FGF11: variants seen among roughly 807,000 people sequenced by gnomAD.
The protein encoded by FGF11 is fibroblast growth factor 11.
In FGF11, 25 loss-of-function variants were observed where a neutral mutation model predicts 25.1. The ratio of observed to expected loss-of-function variants is 1.00; its 90% CI spans 0.73 to 1.39. The LOEUF (loss-of-function observed/expected upper bound fraction) is 1.39, where lower values mean the gene tolerates loss of function less well. Ranked by LOEUF, FGF11 falls within the 40% of genes most tolerant of loss-of-function variation. The pLI, the probability that FGF11 is intolerant of heterozygous loss-of-function variation, is 0.00. For missense variants in FGF11, 320 were observed against 311.0 expected (o/e 1.03, Z -0.22); for synonymous variants, 130 against 128.9 (o/e 1.01, Z -0.06).
In FGF11 at chr17:7,442,671, C is replaced by CCGCCAG; in HGVS notation, c.489_494dup (p.Gln164_Arg165dup). The CCGCCAG allele has an allele frequency of 6.2e-7, 1 of 1,614,202 alleles. No individual in the cohort carries two copies. Among genetic ancestry groups the CCGCCAG allele is most frequent in the Non-Finnish European group, 8.5e-7 (1 of 1,180,040 alleles). On this transcript the variant is annotated inframe_insertion, in exon 4 of 5. Transcript: ENST00000293829. ...ACGTCCTGTACGCCTCTGCTCTCTA[C>CCGCCAG]CGCCAGCGTCGTTCTGGCCGGGCCT...
rs1460448217 is a variant in FGF11 at position 7,443,759 on chromosome 17, GAGGCT to G, written c.*616_*620del. The G allele has an allele frequency of 6.6e-6, 1 of 152,288 alleles. No individual in the cohort carries two copies. The highest frequency in any genetic ancestry group is 2.4e-5 in the African/African-American group (1 of 41,440). 9.4% of individuals were successfully genotyped at this position (152,288 alleles called of 1,614,324 possible). On this transcript the variant is annotated 3_prime_UTR_variant, in exon 5 of 5. Transcript: ENST00000293829. ...TGGACCCCTGGTTTCCAAGTAGAAA[GAGGCT>G]AGATTTGGGCCTTGTCTAGCTGTTG...
At chr17:7,438,683 TG>T (rs971185488), upstream of FGF11, among the ~76,000 whole-genome samples, 2 of 151,994 alleles carry the variant, frequency 1.3e-5, no homozygotes, top group Non-Finnish European at 2.9e-5. Flanking sequence ...ACTCCTCTCT[TG>T]GGGGGCTGGT....
At position 7,444,852 on chromosome 17, in the gene FGF11, A is replaced by G. The variant is rs1908515215; in HGVS notation, c.*1706A>G. On this transcript the variant is annotated 3_prime_UTR_variant, in exon 5 of 5. Transcript: ENST00000293829. ...CCCCTCACCCACACAAACCCCACTC[A>G]GTCTCCACCCAACTCCTGGCACTGC... The G allele has an allele frequency of 1.8e-6, 1 of 568,570 alleles. No homozygotes were observed. The highest frequency in any genetic ancestry group is 3.0e-5 in the East Asian group (1 of 33,852). The allele number at this position is 568,570 out of a possible 1,614,324, so 35.2% of individuals were successfully genotyped here. A position where few individuals can be genotyped will look rare whatever the true frequency, so the allele number is the denominator to read the frequency against.
upstream of FGF11, chr17:7,439,498 G>A: frequency 1.3e-6 from 1 of 761,590 alleles, no homozygotes; most frequent in Non-Finnish European, 1.9e-6. Context: ...CTCAGGTCCT[G>A]TGGGTGGGGC....
Position 7,439,783 on chromosome 17 carries a change from G to A in FGF11, c.163G>A (p.Gly55Arg). 6.8e-7 allele frequency: 1 copy of A among 1,478,190 alleles called. No individual in the cohort carries two copies. Among genetic ancestry groups the A allele is most frequent in the Non-Finnish European group, 8.9e-7 (1 of 1,122,388 alleles). 91.6% of individuals were successfully genotyped at this position (1,478,190 alleles called of 1,614,324 possible). ...GCTGTCCAAGGTGCGACTGTGCGGG[G>A]GGCGGCCCGCGCGGCCGGACCGCGG... ...ILLSKVRLCG[G>R]RPARPDRGPE... Residue 55 changes from glycine to arginine, a missense_variant, in exon 1 of 5, where the codon GGG (glycine) becomes AGG (arginine). Gly to Arg is a moderately radical substitution (Grantham distance 125). Coordinates refer to ENST00000293829, the MANE Select transcript of FGF11 (RefSeq NM_004112.4).
In FGF11 at chr17:7,444,332, A is replaced by G. The variant is rs1188087670; in HGVS notation, c.*1186A>G. The G allele has an allele frequency of 1.3e-5, 2 of 152,594 alleles. No homozygotes were observed. The allele number at this position is 152,594 out of a possible 1,614,324, so 9.5% of individuals were successfully genotyped here. A position where few individuals can be genotyped will look rare whatever the true frequency, so the allele number is the denominator to read the frequency against. On this transcript the variant is annotated 3_prime_UTR_variant, in exon 5 of 5. Coordinates refer to ENST00000293829, the MANE Select transcript of FGF11 (RefSeq NM_004112.4). ...GCATCTGTGTTGGGTGGACATGAAT[A>G]CTTAGCTACCTCAGCAGGAATTCCT...
chr17:7,439,954 C>A, intron 1 of FGF11, 141 bp downstream of exon 1: 1 of 598,402 alleles, frequency 1.7e-6, no homozygotes, highest in Admixed American at 4.2e-5. Context: ...AAGTCCCTGC[C>A]AGACTGTGCC....
At chr17:7,441,114 C>A (rs1908303732) in intron 1 of FGF11, 1 of 312,308 alleles carries the variant, frequency 3.2e-6, no homozygotes, top group South Asian at 4.5e-5. Context: ...CACGCTGCCC[C>A]TTCAGTACCC....
intron 3 of FGF11, 56 bp downstream of exon 3, chr17:7,441,935 T>C: frequency 7.5e-7 from 1 of 1,335,226 alleles, no homozygotes. Flanking sequence ...TTCCTCAATT[T>C]GTCCCTTGAG....
Position 7,440,802 on chromosome 17 carries a change from C to T in FGF11, c.194-669C>T, listed in dbSNP as rs1269770210. Reference sequence around the variant, plus strand: ...TGCCTCTCCATCTCCTCAGCTCCCACCCCCCATATCCTTGGTAAGGTCCCC... The same window carrying T: ...TGCCTCTCCATCTCCTCAGCTCCCATCCCCCATATCCTTGGTAAGGTCCCC... On this transcript the variant is annotated intron_variant, in intron 1 of 4. Coordinates refer to ENST00000293829, the MANE Select transcript of FGF11 (RefSeq NM_004112.4). This position sits in a 1 kb window ranked among gnomAD's most constrained non-coding sequence, Gnocchi z 5.4. The T allele has an allele frequency of 2.0e-6, 2 of 986,518 alleles. No individual in the cohort carries two copies. Among genetic ancestry groups the T allele is most frequent in the African/African-American group, 1.7e-5 (1 of 57,204 alleles). 61.1% of individuals were successfully genotyped at this position (986,518 alleles called of 1,614,324 possible).
Position 7,440,349 on chromosome 17 carries a change from T to A in FGF11, c.193+536T>A, listed in dbSNP as rs1239305379. ...TCCCTCGGGTGTCCTTGCAGCTACC[T>A]CGCCAGCCAGCCCTCTATGCGCCCT... On this transcript the variant is annotated intron_variant, in intron 1 of 4. Transcript: ENST00000293829. This position sits in a 1 kb window ranked among gnomAD's most constrained non-coding sequence, Gnocchi z 5.4. The A allele has an allele frequency of 6.6e-6, 1 of 152,116 alleles. No individual in the cohort carries two copies. The highest frequency in any genetic ancestry group is 1.9e-4 in the East Asian group (1 of 5,146). 9.4% of individuals were successfully genotyped at this position (152,116 alleles called of 1,614,324 possible).
chr17:7,441,203 A>C, intron 1 of FGF11: 1 of 342,336 alleles, frequency 2.9e-6, no homozygotes, highest in Non-Finnish European at 5.6e-6. Flanking sequence ...CTTCTGGTTG[A>C]GCTGTAGGGT....
At position 7,439,718 on chromosome 17, in the gene FGF11, G is replaced by C. The variant is rs777100094; in HGVS notation, c.98G>C (p.Arg33Pro). ...PVSAQRRVCP[R>P]GTKSLCQKQL... ...TCGGCGCAGCGGCGCGTGTGTCCCC[G>C]CGGCACCAAGTCCCTTTGCCAGAAG... The change falls in exon 1 of 5, where the codon CGC (arginine) becomes CCC (proline). Residue 33 changes from arginine (R) to proline (P), a missense_variant. Arg to Pro is a moderately radical substitution (Grantham distance 103). Coordinates refer to ENST00000293829, the MANE Select transcript of FGF11 (RefSeq NM_004112.4). 283 of 1,572,474 alleles carry C rather than the reference G, an allele frequency of 1.8e-4. 1 individual carries two copies. The highest frequency in any genetic ancestry group is 5.0e-4 in the Middle Eastern group (3 of 5,970).
chr17:7,442,798 T>C lies in FGF11; in HGVS notation c.607+6T>C. ...TCTGCCCAAGCTCCTGGAGGGTGGG[T>C]ATAGACTCAAGAAAATGTGGGCCAC... On this transcript the variant is annotated splice_donor_region_variant and intron_variant, in intron 4 of 4. Transcript: ENST00000293829. The C allele has an allele frequency of 6.2e-7, 1 of 1,613,416 alleles. No homozygotes were observed.
Position 7,439,694 on chromosome 17 carries a change from C to G in FGF11, c.74C>G (p.Ser25Trp). The change falls in exon 1 of 5, where the codon TCG (serine) becomes TGG (tryptophan). Residue 25 changes from serine (S) to tryptophan (W), a missense_variant. Coordinates refer to ENST00000293829, the MANE Select transcript of FGF11 (RefSeq NM_004112.4). ...GAGCCCGGGGGCAGCCGGCCGGTGTCGGCGCAGCGGCGCGTGTGTCCCCGC... is the reference window on the plus strand; with the variant it reads ...GAGCCCGGGGGCAGCCGGCCGGTGTGGGCGCAGCGGCGCGTGTGTCCCCGC... Reference protein sequence around the residue: ...VREPGGSRPVSAQRRVCPRGT... With the variant: ...VREPGGSRPVWAQRRVCPRGT... 6.4e-7 allele frequency: 1 copy of G among 1,554,988 alleles called. No individual in the cohort carries two copies. The highest frequency in any genetic ancestry group is 1.4e-5 in the African/African-American group (1 of 70,584).
chr17:7,440,577 G>T lies in FGF11; in HGVS notation c.193+764G>T. 1.2e-6 allele frequency: 1 copy of T among 818,788 alleles called. No homozygotes were observed. Among genetic ancestry groups the T allele is most frequent in the African/African-American group, 1.9e-5 (1 of 54,040 alleles). The allele number at this position is 818,788 out of a possible 1,614,324, so 50.7% of individuals were successfully genotyped here. Reference sequence around the variant, plus strand: ...GAAGTCGGCAGAGAGCAAGCGATGGGGGAGGAGAGTTGTGAGAGTTAGAAT... The same window carrying T: ...GAAGTCGGCAGAGAGCAAGCGATGGTGGAGGAGAGTTGTGAGAGTTAGAAT... On this transcript the variant is annotated intron_variant, in intron 1 of 4. Coordinates refer to ENST00000293829, the MANE Select transcript of FGF11 (RefSeq NM_004112.4). The surrounding 1 kb of genome is among the most constrained non-coding windows in gnomAD (Gnocchi z 5.4).
rs1908313700 is a variant in FGF11, at chr17:7,441,347, A to G, written c.194-124A>G. ...AGAGAGCGTGCTTGGAGGATAAGAG[A>G]GCTGGGGCCCTGGGACCCTCTTCCT... On this transcript the variant is annotated intron_variant, in intron 1 of 4. Coordinates refer to ENST00000293829, the MANE Select transcript of FGF11 (RefSeq NM_004112.4). 7 of 1,344,152 alleles carry G rather than the reference A, an allele frequency of 5.2e-6. No homozygotes were observed. The South Asian group carries it at 9.5e-5, about 18-fold the overall frequency. 83.3% of individuals were successfully genotyped at this position (1,344,152 alleles called of 1,614,324 possible). A position where few individuals can be genotyped will look rare whatever the true frequency, so the allele number is the denominator to read the frequency against.
At chr17:7,441,750 T>C (rs1597743980) in intron 2 of FGF11, 26 bp from the exon 3 acceptor site, 1 of 1,581,486 alleles carries the variant, frequency 6.3e-7, no homozygotes. Context: ...GGCCTGGGTA[T>C]TGATGCTCCC....
intron 3 of FGF11, 42 bp downstream of exon 3, chr17:7,441,921 C>G: frequency 7.1e-7 from 1 of 1,412,662 alleles, no homozygotes. Context: ...ACTGGGGACT[C>G]CCCTTCCTCA....
Sources: gnomAD v4.1 joint callset for allele counts (sites outside exome capture counted in the v4.1 genomes callset) on GRCh38, gnomAD v4.1.1 for gene constraint, Gnocchi (gnomAD v3.1) non-coding constraint, MANE v1.5 for transcripts, NCBI Gene and HGNC (gene_info 2026-07-23, HGNC 2026-07-21) for gene names.